Variants in TBL1XR1 observed in about 807,000 individuals in gnomAD.
The protein encoded by TBL1XR1 is F-box-like/WD repeat-containing protein TBL1XR1.
A neutral mutation model predicts 66.9 loss-of-function variants in TBL1XR1; 5 were observed. The ratio of observed to expected loss-of-function variants is 0.07; its 90% CI spans 0.04 to 0.16. The LOEUF (loss-of-function observed/expected upper bound fraction) is 0.16, where lower values mean the gene tolerates loss of function less well. Ranked by LOEUF, TBL1XR1 falls within the 10% of genes least tolerant of loss-of-function variation. The pLI, the probability that TBL1XR1 is intolerant of heterozygous loss-of-function variation, is 1.00. For missense variants in TBL1XR1, 238 were observed against 623.2 expected (o/e 0.38, Z 6.58); for synonymous variants, 210 against 206.0 (o/e 1.02, Z -0.17).
chr3:177,052,168 T>G (rs1347898079), intron 4 of TBL1XR1, among the ~76,000 whole-genome samples: 1 of 152,230 alleles, frequency 6.6e-6, no homozygotes, highest in Non-Finnish European at 1.5e-5. Flanking sequence ...TTCTTGTGAT[T>G]TGATTCAAAT....
chr3:177,173,215 A>G (rs935837242), intron 1 of TBL1XR1, among the ~76,000 whole-genome samples: 2 of 152,168 alleles, frequency 1.3e-5, no homozygotes, highest in East Asian at 1.9e-4. Context: ...ACAAAACACC[A>G]TATTTCTTAA....
At chr3:177,046,720 C>CT (rs1374414575) in intron 9 of TBL1XR1, among the ~76,000 whole-genome samples, 1 of 152,016 alleles carries the variant, frequency 6.6e-6, no homozygotes, top group African/African-American at 2.4e-5. Context: ...CCTTTTGCCA[C>CT]TTTTTTTATT....
chr3:177,124,973 A>G (rs1291000076), intron 1 of TBL1XR1, among the ~76,000 whole-genome samples: 1 of 152,170 alleles, frequency 6.6e-6, no homozygotes, highest in African/African-American at 2.4e-5. Context: ...AAACACTTAG[A>G]AGAAAACATA....
intron 10 of TBL1XR1, among the ~76,000 whole-genome samples, chr3:177,039,179 T>A (rs1171927667): frequency 6.6e-6 from 1 of 152,196 alleles, no homozygotes; most frequent in Non-Finnish European, 1.5e-5. Context: ...TATTGCCTTA[T>A]GTATATGCAA....
intron 2 of TBL1XR1, among the ~76,000 whole-genome samples, chr3:177,082,001 T>C (rs1721459018): frequency 6.6e-6 from 1 of 152,154 alleles, no homozygotes; most frequent in Non-Finnish European, 1.5e-5. Flanking sequence ...ACCCCCTTGA[T>C]TGTTCACCAC....
intron 2 of TBL1XR1, among the ~76,000 whole-genome samples, chr3:177,086,788 C>T (rs934773436): frequency 6.6e-6 from 1 of 151,632 alleles, no homozygotes; most frequent in Non-Finnish European, 1.5e-5. Context: ...CAAAAATCCA[C>T]ATATAACTTC....
intron 1 of TBL1XR1, chr3:177,161,046 T>A (rs544974785): frequency 6.6e-6 from 1 of 151,438 alleles, no homozygotes; most frequent in African/African-American, 2.4e-5. Context: ...TGTAAAAAAA[T>A]TTATATCAAG....
chr3:177,198,228 A>AC (rs1646512432), upstream of TBL1XR1, among the ~76,000 whole-genome samples: 1 of 152,220 alleles, frequency 6.6e-6, no homozygotes, highest in Admixed American at 6.5e-5. Flanking sequence ...CACGCACACA[A>AC]GAAAAGGTTT....
chr3:177,062,580 A>C (rs978967506), intron 3 of TBL1XR1, among the ~76,000 whole-genome samples: 1 of 152,220 alleles, frequency 6.6e-6, no homozygotes, highest in Non-Finnish European at 1.5e-5. Flanking sequence ...ATCATAATGT[A>C]AACAGGAAGT....
chr3:177,135,209 C>A (rs1312019107), intron 1 of TBL1XR1, among the ~76,000 whole-genome samples: 3 of 148,972 alleles, frequency 2.0e-5, no homozygotes, highest in Admixed American at 1.3e-4. Context: ...GCCACGTTGG[C>A]CAGACTGGTT....
At chr3:177,078,051 A>T (rs1009919043) in intron 2 of TBL1XR1, among the ~76,000 whole-genome samples, 9 of 152,172 alleles carry the variant, frequency 5.9e-5, no homozygotes, top group African/African-American at 2.2e-4. Context: ...GCCATTTATA[A>T]CCCACTAAGT....
chr3:177,180,372 T>TTC (rs1734672135), intron 1 of TBL1XR1, among the ~76,000 whole-genome samples: 1 of 131,814 alleles, frequency 7.6e-6, no homozygotes, highest in African/African-American at 2.8e-5. Context: ...ATACGTTCAT[T>TTC]CCCCCCCCCC....
intron 2 of TBL1XR1, among the ~76,000 whole-genome samples, chr3:177,076,979 G>C (rs1187131862): frequency 1.3e-5 from 2 of 152,198 alleles, no homozygotes; most frequent in Non-Finnish European, 2.9e-5. Context: ...GTGTCTGCCA[G>C]CTCTCTTGCT....
At chr3:177,122,288 TAAA>T (rs11342009) in intron 1 of TBL1XR1, among the ~76,000 whole-genome samples, 6,846 of 142,876 alleles carry the variant, frequency 0.048, 218 homozygotes, top group Middle Eastern at 0.085. Context: ...ATAAGACAGA[TAAA>T]AAAAAAAAAA....
upstream of TBL1XR1, among the ~76,000 whole-genome samples, chr3:177,197,991 C>T (rs1737141385): frequency 6.6e-6 from 1 of 151,056 alleles, no homozygotes; most frequent in Non-Finnish European, 1.5e-5. Context: ...CGCGGGCTCC[C>T]GCGTGTCCGG....
intron 1 of TBL1XR1, among the ~76,000 whole-genome samples, chr3:177,175,599 T>C (rs962986236): frequency 2.0e-5 from 3 of 150,114 alleles, no homozygotes; most frequent in African/African-American, 4.9e-5. Context: ...TATGCAATCA[T>C]AGGGTTAAAG....
chr3:177,101,878 A>C (rs1724264150), intron 1 of TBL1XR1, among the ~76,000 whole-genome samples: 1 of 152,180 alleles, frequency 6.6e-6, no homozygotes, highest in Admixed American at 6.5e-5. Context: ...AAATAGCATT[A>C]TGTACAATAT....
At position 177,032,993 on chromosome 3, in the gene TBL1XR1, C is replaced by T; in HGVS notation, c.1394G>A (p.Cys465Tyr). The change falls in exon 14 of 16, where the codon TGT becomes TAT. Residue 465 changes from cysteine (C) to tyrosine (Y), a missense_variant. Physicochemically the swap from Cys to Tyr is radical, Grantham distance 194. Around this residue, in one of 8 missense-constraint regions of TBL1XR1, gnomAD observed 26 missense variants for 35.1 expected, o/e 0.74. Transcript: ENST00000457928. Reference sequence around the variant, plus strand: ...TACCTGCGTGTTCCAGATGTGTACACATTTGTCAAAAGAACCACTTGCCAG... The same window carrying T: ...TACCTGCGTGTTCCAGATGTGTACATATTTGTCAAAAGAACCACTTGCCAG... ...RYLASGSFDK[C>Y]VHIWNTQTGA... 1 of 1,604,874 alleles carries T rather than the reference C, an allele frequency of 6.2e-7. No individual in the cohort carries two copies. The highest frequency in any genetic ancestry group is 8.5e-7 in the Non-Finnish European group (1 of 1,175,018).
intron 15 of TBL1XR1, chr3:177,026,118 T>C (rs1418772595): frequency 4.2e-6 from 2 of 478,202 alleles, no homozygotes; most frequent in Non-Finnish European, 7.3e-6. Flanking sequence ...ATACCTAATT[T>C]CATAAATGAA....
Sources: gnomAD v4.1 joint callset for allele counts (sites outside exome capture counted in the v4.1 genomes callset) on GRCh38, gnomAD v4.1.1 for gene constraint, gnomAD v4.1.1 regional missense constraint, MANE v1.5 for transcripts, NCBI Gene and HGNC (gene_info 2026-07-23, HGNC 2026-07-21) for gene names.